Variants in BABAM2 observed in about 807,000 individuals in gnomAD.
BABAM2 encodes BRISC and BRCA1 A complex member 2.
Under a neutral mutation model 54.7 loss-of-function variants are expected in BABAM2, and 31 were observed. The observed-to-expected ratio is 0.57, with a 90% CI of 0.43 to 0.77. The LOEUF (loss-of-function observed/expected upper bound fraction) is 0.77. BABAM2 is among the 30% of genes least tolerant of loss of function. The pLI, the probability that BABAM2 is intolerant of heterozygous loss-of-function variation, is 0.00. For missense variants in BABAM2, 364 were observed against 455.8 expected (o/e 0.80, Z 1.83); for synonymous variants, 167 against 162.9 (o/e 1.03, Z -0.19).
At chr2:27,900,227 A>C (rs1228968116) in intron 2 of BABAM2, among the ~76,000 whole-genome samples, 1 of 152,190 alleles carries the variant, frequency 6.6e-6, no homozygotes, top group Non-Finnish European at 1.5e-5. Context: ...AGTATAAAAC[A>C]AGGAGACAAT....
At chr2:28,335,870 A>AG (rs920153739) in intron 11 of BABAM2, among the ~76,000 whole-genome samples, 1 of 152,312 alleles carries the variant, frequency 6.6e-6, no homozygotes. Context: ...TGGCCAGCTC[A>AG]GGGGGGTCTG....
intron 10 of BABAM2, 116 bp from the exon 11 acceptor site, chr2:28,298,222 A>T: frequency 9.3e-7 from 1 of 1,069,738 alleles, no homozygotes; most frequent in Non-Finnish European, 1.4e-6. Flanking sequence ...CCAAACTGCA[A>T]GCAGTATTTG....
In BABAM2 at chr2:28,025,221, T is replaced by C; in HGVS notation, c.301-5T>C. 6.3e-7 allele frequency: 1 copy of C among 1,580,740 alleles called. No homozygotes were observed. The highest frequency in any genetic ancestry group is 8.6e-7 in the Non-Finnish European group (1 of 1,169,548). ...CTGGTCTTTTATTTGTTACGACTTC[T>C]ACAGAATCTTGCCTCCTGGAATCCT... On this transcript the variant is annotated splice_polypyrimidine_tract_variant and splice_region_variant and intron_variant, in intron 4 of 11. Transcript: ENST00000379624.
chr2:27,957,713 C>T (rs1670186221), intron 3 of BABAM2, among the ~76,000 whole-genome samples: 1 of 152,112 alleles, frequency 6.6e-6, no homozygotes, highest in Admixed American at 6.5e-5. Flanking sequence ...TCCACATGCT[C>T]TTCTATACCA....
At chr2:28,079,583 T>C (rs1401577346) in intron 6 of BABAM2, among the ~76,000 whole-genome samples, 2 of 152,168 alleles carry the variant, frequency 1.3e-5, no homozygotes, top group Non-Finnish European at 2.9e-5. Flanking sequence ...TCAAATACAA[T>C]GGTCTGATCG....
intron 4 of BABAM2, among the ~76,000 whole-genome samples, chr2:28,016,675 A>G (rs1674849920): frequency 1.3e-5 from 2 of 152,216 alleles, no homozygotes; most frequent in Admixed American, 1.3e-4. Context: ...CTCTGCTTAC[A>G]AGGGGGAAGA....
intron 2 of BABAM2, 88 bp downstream of exon 2, chr2:27,894,772 T>C: frequency 6.6e-7 from 1 of 1,513,034 alleles, no homozygotes; most frequent in Non-Finnish European, 9.0e-7. Context: ...CTCATAAAAA[T>C]TGACTGCCAC....
At chr2:28,116,498 C>CAG (rs1668628272) in intron 6 of BABAM2, among the ~76,000 whole-genome samples, 1 of 152,178 alleles carries the variant, frequency 6.6e-6, no homozygotes. Flanking sequence ...GCCATGGGCA[C>CAG]AGACAGTCTG....
chr2:28,316,831 G>A (rs1022450021), intron 11 of BABAM2, among the ~76,000 whole-genome samples: 4 of 152,152 alleles, frequency 2.6e-5, no homozygotes, highest in East Asian at 3.9e-4. Flanking sequence ...CATGGATATC[G>A]AAGCCAGAAA....
chr2:28,197,669 A>G (rs1043743994), intron 7 of BABAM2, among the ~76,000 whole-genome samples: 1 of 152,222 alleles, frequency 6.6e-6, no homozygotes, highest in Non-Finnish European at 1.5e-5. Flanking sequence ...GCCCCATTCC[A>G]TGTCAGAATC....
chr2:28,319,615 T>C (rs1205130647), intron 11 of BABAM2, among the ~76,000 whole-genome samples: 3 of 152,232 alleles, frequency 2.0e-5, no homozygotes, highest in African/African-American at 7.2e-5. Flanking sequence ...TTCATCCCTG[T>C]CTCCTTCAGC....
chr2:27,907,421 C>G (rs1666263457), intron 2 of BABAM2, among the ~76,000 whole-genome samples: 1 of 151,734 alleles, frequency 6.6e-6, no homozygotes, highest in South Asian at 2.1e-4. Context: ...CTGTGGACTC[C>G]TGAATTTTTC....
Position 28,075,528 on chromosome 2 carries a change from T to TCTC in BABAM2, c.570+29729_570+29730insCTC, listed in dbSNP as rs1664573833. Among the ~76,000 whole-genome samples the TCTC allele has an allele frequency of 2.1e-4, 31 of 150,346 alleles. 1 individual carries two copies. The South Asian group carries it at 5.7e-3, about 28-fold the overall frequency. On this transcript the variant is annotated intron_variant, in intron 6 of 11. Coordinates refer to ENST00000379624, the MANE Select transcript of BABAM2 (RefSeq NM_199191.3). ...CTATAAAAACAAAAACATCACGTTT[T>TCTC]TCTCTCTCTCTCTCTCTCTTTCTCT...
At chr2:27,994,074 C>T (rs1672965221) in intron 4 of BABAM2, among the ~76,000 whole-genome samples, 1 of 152,120 alleles carries the variant, frequency 6.6e-6, no homozygotes, top group South Asian at 2.1e-4. Flanking sequence ...TTCAAATCTC[C>T]ATTTGGTGCC....
intron 10 of BABAM2, among the ~76,000 whole-genome samples, chr2:28,255,583 G>C (rs1683902784): frequency 6.6e-6 from 1 of 152,182 alleles, no homozygotes; most frequent in Non-Finnish European, 1.5e-5. Flanking sequence ...CTGCCATCCA[G>C]TCTTAATGCT....
At chr2:28,243,468 G>T (rs1420187897) in intron 9 of BABAM2, among the ~76,000 whole-genome samples, 1 of 152,000 alleles carries the variant, frequency 6.6e-6, no homozygotes, top group Non-Finnish European at 1.5e-5. Context: ...GGAGGCGGAG[G>T]TTGCAGTGAA....
chr2:28,161,866 G>A (rs956494025), intron 7 of BABAM2, among the ~76,000 whole-genome samples: 1 of 152,038 alleles, frequency 6.6e-6, no homozygotes, highest in African/African-American at 2.4e-5. Context: ...TGAGGGCAGA[G>A]ATCTTTAATT....
At chr2:28,326,425 G>A (rs1040258489) in intron 11 of BABAM2, among the ~76,000 whole-genome samples, 1 of 152,124 alleles carries the variant, frequency 6.6e-6, no homozygotes, top group African/African-American at 2.4e-5. Flanking sequence ...ATAAACCCAG[G>A]GCTGGGGCTC....
chr2:28,338,070 C>A (rs888398085), intron 11 of BABAM2, among the ~76,000 whole-genome samples: 2 of 152,200 alleles, frequency 1.3e-5, no homozygotes, highest in African/African-American at 4.8e-5. Context: ...GAAAATGCAA[C>A]CTTCCTGATA....
Sources: allele counts gnomAD v4.1 joint callset (sites outside exome capture counted in the v4.1 genomes callset), GRCh38; gene constraint gnomAD v4.1.1; transcripts MANE v1.5; gene names NCBI Gene and HGNC (gene_info 2026-07-23, HGNC 2026-07-21).